The following TCF7L2 variants were observed in gnomAD, a reference collection of about 807,000 sequenced individuals.
TCF7L2 encodes the protein transcription factor 7 like 2, also known as transcription factor 7-like 2.
In TCF7L2, 23 loss-of-function variants were observed where a neutral mutation model predicts 77.9. The ratio of observed to expected loss-of-function variants is 0.30; its 90% CI spans 0.21 to 0.42. The LOEUF (loss-of-function observed/expected upper bound fraction) is 0.42. TCF7L2 is among the 10% of genes least tolerant of loss of function. The pLI is 1.00. For synonymous variants in TCF7L2, 413 were observed against 340.2 expected, an observed-to-expected ratio of 1.21 and a Z score of -2.36; for missense variants, 654 against 793.1, an observed-to-expected ratio of 0.82 and a Z score of 2.11.
chr10:113,031,700 C>T (rs2050247560), intron 4 of TCF7L2, among the ~76,000 whole-genome samples: 1 of 152,112 alleles, frequency 6.6e-6, no homozygotes, highest in South Asian at 2.1e-4. Context: ...GTTGGCCAGG[C>T]TGGTCTCGAA....
At chr10:112,989,906 TG>T (rs1024560360) in intron 4 of TCF7L2, among the ~76,000 whole-genome samples, 1 of 152,070 alleles carries the variant, frequency 6.6e-6, no homozygotes, top group African/African-American at 2.4e-5. Flanking sequence ...TTCTAATAGA[TG>T]GGGTGAGGGG....
rs7077460 is a variant in TCF7L2, at chr10:113,150,691, C to T, written c.876-307C>T. ...ATGCCTCAAAAAACAAGTGGACGTG[C>T]GATTTCTGGCAGGTAGTCCAAGCCC... On this transcript the variant is annotated intron_variant, in intron 8 of 13. Coordinates refer to ENST00000627217, the MANE Select transcript of TCF7L2 (RefSeq NM_001146274.2). Among the ~76,000 whole-genome samples, 4,213 of 152,212 alleles carry T rather than the reference C, an allele frequency of 0.028. 188 individuals are homozygous for T. The highest frequency in any genetic ancestry group is 0.097 in the African/African-American group (4,021 of 41,508).
chr10:113,007,699 T>A (rs1564776674), intron 4 of TCF7L2, among the ~76,000 whole-genome samples: 1 of 152,234 alleles, frequency 6.6e-6, no homozygotes, highest in Non-Finnish European at 1.5e-5. Context: ...GAGCTGCTTT[T>A]CCCTTTCCCC....
chr10:112,982,544 C>T (rs2040668327), intron 4 of TCF7L2, among the ~76,000 whole-genome samples: 1 of 152,100 alleles, frequency 6.6e-6, no homozygotes, highest in Non-Finnish European at 1.5e-5. Context: ...CTTTTTTTCC[C>T]CGCTTGCTTA....
chr10:113,115,422 A>T (rs1292256714), intron 5 of TCF7L2, among the ~76,000 whole-genome samples: 1 of 152,248 alleles, frequency 6.6e-6, no homozygotes, highest in East Asian at 1.9e-4. Context: ...CTTTTCAAAT[A>T]GAAATTTCTC....
intron 3 of TCF7L2, among the ~76,000 whole-genome samples, chr10:112,959,736 C>T (rs1277186306): frequency 2.0e-5 from 3 of 152,024 alleles, no homozygotes; most frequent in Admixed American, 6.6e-5. Flanking sequence ...AGTTTATTTC[C>T]CATTAAATGT....
intron 5 of TCF7L2, among the ~76,000 whole-genome samples, chr10:113,067,747 C>T (rs1429987909): frequency 1.3e-5 from 2 of 152,114 alleles, no homozygotes; most frequent in Admixed American, 6.5e-5. Flanking sequence ...TCTTGGCATG[C>T]TCTGCCTCAT....
chr10:113,160,968 C>T (rs971099310), intron 13 of TCF7L2, among the ~76,000 whole-genome samples: 1 of 152,106 alleles, frequency 6.6e-6, no homozygotes, highest in Non-Finnish European at 1.5e-5. Flanking sequence ...TATCTTTTTG[C>T]TTTGAAAGCC....
intron 4 of TCF7L2, among the ~76,000 whole-genome samples, chr10:112,967,952 T>G (rs767006089): frequency 1.6e-4 from 25 of 152,220 alleles, no homozygotes; most frequent in African/African-American, 1.7e-4. Context: ...AAAAGATCTT[T>G]TAGAAAAGAC....
chr10:113,022,206 G>A (rs1216725336), intron 4 of TCF7L2, among the ~76,000 whole-genome samples: 2 of 152,226 alleles, frequency 1.3e-5, no homozygotes, highest in Non-Finnish European at 2.9e-5. Context: ...CTGCTGCCAG[G>A]TTTCACCCAA....
At chr10:113,098,265 A>G (rs1262555021) in intron 5 of TCF7L2, among the ~76,000 whole-genome samples, 1 of 152,068 alleles carries the variant, frequency 6.6e-6, no homozygotes. Flanking sequence ...TACAAGATCC[A>G]GGTCTCCGTT....
Position 112,950,592 on chromosome 10 carries a change from C to T in TCF7L2, c.-165C>T. ...TCCCCTCCCCTCCTCCCTCTTTTCC[C>T]CTCCCCAGGAGAAAAAGACCCCCAA... On this transcript the variant is annotated 5_prime_UTR_variant, in exon 1 of 14. Coordinates refer to ENST00000627217, the MANE Select transcript of TCF7L2 (RefSeq NM_001146274.2). 1 of 650,730 alleles carries T rather than the reference C, an allele frequency of 1.5e-6. No homozygotes were observed. Among genetic ancestry groups the T allele is most frequent in the Non-Finnish European group, 2.5e-6 (1 of 401,700 alleles). 40.3% of individuals were successfully genotyped at this position (650,730 alleles called of 1,614,324 possible). A position where few individuals can be genotyped will look rare whatever the true frequency, so the allele number is the denominator to read the frequency against.
intron 5 of TCF7L2, among the ~76,000 whole-genome samples, chr10:113,060,851 G>A (rs1262873148): frequency 1.3e-5 from 2 of 152,054 alleles, no homozygotes; most frequent in African/African-American, 2.4e-5. Flanking sequence ...GGCTGAGTGC[G>A]AGGCAGCTGT....
rs1291248359 is a variant in TCF7L2, at chr10:113,120,068, C to T, written c.553-21116C>T. Among the ~76,000 whole-genome samples, 5 of 152,126 alleles carry T rather than the reference C, an allele frequency of 3.3e-5. No homozygotes were observed. In the East Asian group the frequency reaches 5.8e-4, roughly 18 times the overall value. ...CTGTGTCCCTCGGCTAAGCTGTTGC[C>T]GCGGGCTGAGAATTTCATCGACTGA... On this transcript the variant is annotated intron_variant, in intron 5 of 13. Transcript: ENST00000627217.
At chr10:112,955,954 G>A (rs1276474817) in intron 3 of TCF7L2, among the ~76,000 whole-genome samples, 1 of 151,576 alleles carries the variant, frequency 6.6e-6, no homozygotes, top group African/African-American at 2.4e-5. Context: ...CATCCCACGA[G>A]GTGCCCCTGG....
intron 5 of TCF7L2, among the ~76,000 whole-genome samples, chr10:113,118,144 G>A (rs1010058606): frequency 1.3e-5 from 2 of 152,026 alleles, no homozygotes; most frequent in African/African-American, 2.4e-5. Flanking sequence ...TAATTTTCTG[G>A]CCAGGGGAGA....
At chr10:113,068,249 C>CA (rs1447588903) in intron 5 of TCF7L2, among the ~76,000 whole-genome samples, 1 of 152,168 alleles carries the variant, frequency 6.6e-6, no homozygotes, top group Non-Finnish European at 1.5e-5. Context: ...TATGACTGGA[C>CA]AAAATAGAAC....
chr10:113,140,866 TCTCCACTTCTGA>T (rs2068245699), intron 5 of TCF7L2, among the ~76,000 whole-genome samples: 1 of 152,050 alleles, frequency 6.6e-6, no homozygotes, highest in Non-Finnish European at 1.5e-5. Flanking sequence ...GAGATTGAAG[TCTCCACTTCTGA>T]CTCACCTGCT....
At chr10:113,136,377 G>T (rs917683440) in intron 5 of TCF7L2, among the ~76,000 whole-genome samples, 1 of 152,114 alleles carries the variant, frequency 6.6e-6, no homozygotes, top group East Asian at 1.9e-4. Context: ...GTGTGACTTC[G>T]GCAGCTGTGG....
Sources: gnomAD v4.1 joint callset for allele counts (sites outside exome capture counted in the v4.1 genomes callset) on GRCh38, gnomAD v4.1.1 for gene constraint, MANE v1.5 for transcripts, NCBI Gene and HGNC (gene_info 2026-07-23, HGNC 2026-07-21) for gene names.